MPP7: variants seen among roughly 807,000 people sequenced by gnomAD.
MPP7 encodes the protein MAGUK p55 subfamily member 7.
MPP7 carries 60 observed loss-of-function variants against 76.5 expected under a neutral mutation model. That is an observed-to-expected ratio of 0.78 (90% CI 0.64 to 0.97). The LOEUF (loss-of-function observed/expected upper bound fraction) is 0.97. Among genes scored for constraint, MPP7 ranks in the 50% least tolerant of loss-of-function variants. The pLI is 0.00. For missense variants in MPP7, 641 were observed against 694.0 expected, an observed-to-expected ratio of 0.92 and a Z score of 0.86; for synonymous variants, 237 against 244.5, an observed-to-expected ratio of 0.97 and a Z score of 0.29.
intron 1 of MPP7, among the ~76,000 whole-genome samples, chr10:28,240,952 T>C (rs1382898181): frequency 1.3e-5 from 2 of 152,134 alleles, no homozygotes; most frequent in African/African-American, 2.4e-5. Flanking sequence ...GTATTTATTA[T>C]ATGTGTGTGT....
intron 1 of MPP7, among the ~76,000 whole-genome samples, chr10:28,247,769 T>A (rs150870643): frequency 3.3e-5 from 5 of 152,358 alleles, no homozygotes; most frequent in African/African-American, 4.8e-5. Flanking sequence ...GAGAATCTAT[T>A]CTGTATTAGC....
chr10:28,304,210 G>C (rs985180178), upstream of MPP7, among the ~76,000 whole-genome samples: 6 of 152,162 alleles, frequency 3.9e-5, no homozygotes, highest in Admixed American at 6.5e-5. Context: ...CCCAGAACTG[G>C]TGTCAGCCTA....
intron 2 of MPP7, among the ~76,000 whole-genome samples, chr10:28,315,637 T>C (rs1834313639): frequency 6.6e-6 from 1 of 152,174 alleles, no homozygotes; most frequent in Admixed American, 6.5e-5. Flanking sequence ...ATTAAAAATA[T>C]GTATGTTGCT....
At chr10:28,057,270 C>A (rs532674766) in intron 15 of MPP7, among the ~76,000 whole-genome samples, 20 of 152,180 alleles carry the variant, frequency 1.3e-4, no homozygotes, top group Non-Finnish European at 2.9e-4. Flanking sequence ...GGATCTGTGT[C>A]CACACCCAAA....
At chr10:28,269,088 T>C (rs1411850892) in intron 1 of MPP7, among the ~76,000 whole-genome samples, 1 of 152,210 alleles carries the variant, frequency 6.6e-6, no homozygotes, top group African/African-American at 2.4e-5. Flanking sequence ...TCCTTAAACA[T>C]TTTGATTACT....
chr10:28,206,853 A>G (rs1429126566), intron 2 of MPP7, among the ~76,000 whole-genome samples: 2 of 152,156 alleles, frequency 1.3e-5, no homozygotes, highest in Non-Finnish European at 2.9e-5. Context: ...ACGTTGGCAA[A>G]TGTGAGGTCA....
chr10:28,148,924 C>A (rs779775245), intron 4 of MPP7, among the ~76,000 whole-genome samples: 2 of 152,072 alleles, frequency 1.3e-5, no homozygotes, highest in Admixed American at 1.3e-4. Context: ...GCAACTGTAT[C>A]TACAACTTTA....
At chr10:28,218,777 A>C (rs1387011787) in intron 2 of MPP7, among the ~76,000 whole-genome samples, 1 of 152,086 alleles carries the variant, frequency 6.6e-6, no homozygotes, top group African/African-American at 2.4e-5. Context: ...AAAACACCAG[A>C]ATTTTTTTTA....
At chr10:28,222,241 T>C (rs1334583861) in intron 2 of MPP7, among the ~76,000 whole-genome samples, 1 of 150,700 alleles carries the variant, frequency 6.6e-6, no homozygotes, top group Non-Finnish European at 1.5e-5. Context: ...CTCAGGCTTG[T>C]AAATCTCAGC....
chr10:28,209,869 G>GATT (rs1838073860), intron 2 of MPP7, among the ~76,000 whole-genome samples: 1 of 152,194 alleles, frequency 6.6e-6, no homozygotes, highest in Non-Finnish European at 1.5e-5. Flanking sequence ...TTCCGAAAGA[G>GATT]ATTATCCTTT....
At chr10:28,112,386 A>G (rs1350405290) in intron 11 of MPP7, among the ~76,000 whole-genome samples, 2 of 152,220 alleles carry the variant, frequency 1.3e-5, no homozygotes, top group African/African-American at 2.4e-5. Context: ...AAATCAAATG[A>G]TAAAAGCCAT....
chr10:28,322,263 C>T (rs1024838976), intron 2 of MPP7, among the ~76,000 whole-genome samples: 2 of 151,888 alleles, frequency 1.3e-5, no homozygotes, highest in African/African-American at 4.8e-5. Context: ...ATATTATTAT[C>T]CATATAAAAG....
At chr10:28,313,560 G>A (rs531342280) in intron 2 of MPP7, among the ~76,000 whole-genome samples, 1 of 152,094 alleles carries the variant, frequency 6.6e-6, no homozygotes, top group African/African-American at 2.4e-5. Flanking sequence ...CCTAAATAGT[G>A]ACAAATTTAA....
chr10:28,326,073 CT>C (rs1834411763), intron 2 of MPP7, among the ~76,000 whole-genome samples: 1 of 152,036 alleles, frequency 6.6e-6, no homozygotes, highest in South Asian at 2.1e-4. Flanking sequence ...CCTTCTCCAT[CT>C]CCAGGCATGT....
intron 2 of MPP7, among the ~76,000 whole-genome samples, chr10:28,208,076 G>A (rs1588925349): frequency 6.6e-6 from 1 of 152,132 alleles, no homozygotes; most frequent in East Asian, 1.9e-4. Flanking sequence ...AGGACTGAAG[G>A]AGATTTTTTC....
intron 11 of MPP7, among the ~76,000 whole-genome samples, chr10:28,110,457 G>C (rs1834472576): frequency 6.6e-6 from 1 of 152,124 alleles, no homozygotes; most frequent in Non-Finnish European, 1.5e-5. Context: ...TGTAAATCAG[G>C]CTCTTAGATA....
intron 1 of MPP7, among the ~76,000 whole-genome samples, chr10:28,240,841 T>A (rs1839244694): frequency 6.6e-6 from 1 of 152,148 alleles, no homozygotes; most frequent in Non-Finnish European, 1.5e-5. Context: ...GACTTTTGTT[T>A]TGCTAATATT....
At chr10:28,270,963 T>G (rs3847384) in intron 1 of MPP7, among the ~76,000 whole-genome samples, 30,022 of 152,148 alleles carry the variant, frequency 0.2, 3,529 homozygotes, top group African/African-American at 0.33. Context: ...AGCTAAATAA[T>G]TAGCTGGTGA....
intron 3 of MPP7, among the ~76,000 whole-genome samples, chr10:28,169,848 T>C (rs2133862309): frequency 6.6e-6 from 1 of 152,342 alleles, no homozygotes; most frequent in South Asian, 2.1e-4. Context: ...GGGTTTTCCA[T>C]ACAGAGATAA....
Sources: gnomAD v4.1 joint callset for allele counts (sites outside exome capture counted in the v4.1 genomes callset) on GRCh38, gnomAD v4.1.1 for gene constraint, MANE v1.5 for transcripts, NCBI Gene and HGNC (gene_info 2026-07-23, HGNC 2026-07-21) for gene names.